DAB1: variants seen among roughly 807,000 people sequenced by gnomAD.
DAB1 encodes disabled homolog 1.
A neutral mutation model predicts 64.6 loss-of-function variants in DAB1; 15 were observed. The observed-to-expected ratio is 0.23, with a 90% confidence interval of 0.16 to 0.36. The LOEUF (loss-of-function observed/expected upper bound fraction) is 0.36, where lower values mean the gene tolerates loss of function less well. DAB1 is among the 10% of genes least tolerant of loss of function. DAB1 has a pLI of 1.00. For missense variants in DAB1, 596 were observed against 706.7 expected (o/e 0.84, Z 1.78); for synonymous variants, 235 against 251.9 (o/e 0.93, Z 0.64).
At chr1:57,637,119 GGATAA>G (rs1444716615) in intron 7 of DAB1, among the ~76,000 whole-genome samples, 1 of 151,886 alleles carries the variant, frequency 6.6e-6, no homozygotes, top group Non-Finnish European at 1.5e-5. Context: ...TTTAAAAATG[GGATAA>G]GATGAGATAC....
At chr1:58,471,733 T>C (rs1381044368) in intron 3 of DAB1, among the ~76,000 whole-genome samples, 1 of 152,108 alleles carries the variant, frequency 6.6e-6, no homozygotes, top group African/African-American at 2.4e-5. Context: ...TCTGGTTGTT[T>C]TAAAAGTGTG....
At chr1:58,228,031 A>G (rs1659580978) in intron 4 of DAB1, among the ~76,000 whole-genome samples, 1 of 152,224 alleles carries the variant, frequency 6.6e-6, no homozygotes, top group South Asian at 2.1e-4. Context: ...GGGTAAGCCC[A>G]TAGCCTAACT....
intron 3 of DAB1, among the ~76,000 whole-genome samples, chr1:58,438,969 A>G (rs982866971): frequency 3.3e-5 from 5 of 152,036 alleles, no homozygotes; most frequent in Admixed American, 3.3e-4. Context: ...AGGCAGTGTG[A>G]CGTAGGGAGG....
At chr1:58,213,804 C>T (rs1368437269) in intron 4 of DAB1, among the ~76,000 whole-genome samples, 2 of 152,150 alleles carry the variant, frequency 1.3e-5, no homozygotes, top group African/African-American at 4.8e-5. Context: ...AGTACCTGTA[C>T]TCCTCATTCA....
chr1:57,294,747 C>T (rs1014436148), intron 1 of DAB1, among the ~76,000 whole-genome samples: 3 of 152,158 alleles, frequency 2.0e-5, no homozygotes, highest in East Asian at 1.9e-4. Flanking sequence ...AGCTTAGGCG[C>T]TTGTCCAAAG....
chr1:58,144,617 C>T (rs1036446419), intron 5 of DAB1, among the ~76,000 whole-genome samples: 1 of 152,192 alleles, frequency 6.6e-6, no homozygotes, highest in African/African-American at 2.4e-5. Context: ...TGCACTAGGT[C>T]GCAAAGTTGG....
chr1:57,061,867 A>C (rs564331609), intron 9 of DAB1, among the ~76,000 whole-genome samples: 1 of 152,262 alleles, frequency 6.6e-6, no homozygotes, highest in South Asian at 2.1e-4. Flanking sequence ...TTAGCCTCAC[A>C]ACAGCTGTCA....
At chr1:57,206,966 TC>T (rs1252514223) in intron 2 of DAB1, among the ~76,000 whole-genome samples, 1 of 128,992 alleles carries the variant, frequency 7.8e-6, no homozygotes, top group African/African-American at 3.0e-5. Context: ...TTTCCTTCCT[TC>T]CTTTTTTTTT....
intron 1 of DAB1, among the ~76,000 whole-genome samples, chr1:57,325,525 G>A (rs1164605644): frequency 6.6e-6 from 1 of 152,190 alleles, no homozygotes; most frequent in Non-Finnish European, 1.5e-5. Flanking sequence ...TACAGAGCAG[G>A]TGCTATTATT....
chr1:57,647,153 C>T (rs1399884422), intron 7 of DAB1, among the ~76,000 whole-genome samples: 1 of 152,136 alleles, frequency 6.6e-6, no homozygotes. Flanking sequence ...GCTACTGAAG[C>T]CTGGAAGTCC....
At chr1:58,000,827 TCC>T (rs1570203022) in intron 5 of DAB1, among the ~76,000 whole-genome samples, 1 of 151,988 alleles carries the variant, frequency 6.6e-6, no homozygotes, top group African/African-American at 2.4e-5. Context: ...CACCTTGGCC[TCC>T]CAAAGTGCTG....
chr1:57,576,746 T>G (rs1645254166), intron 7 of DAB1, among the ~76,000 whole-genome samples: 1 of 152,156 alleles, frequency 6.6e-6, no homozygotes, highest in Non-Finnish European at 1.5e-5. Flanking sequence ...CCTACAGCAA[T>G]GAAACAAACA....
chr1:58,034,338 G>A (rs1048823057), intron 5 of DAB1, among the ~76,000 whole-genome samples: 3 of 152,168 alleles, frequency 2.0e-5, no homozygotes, highest in Admixed American at 2.0e-4. Context: ...AACAAGTAAG[G>A]GATCTTGAAA....
chr1:57,929,674 T>C (rs1383906509), intron 5 of DAB1, among the ~76,000 whole-genome samples: 1 of 152,196 alleles, frequency 6.6e-6, no homozygotes, highest in Non-Finnish European at 1.5e-5. Context: ...TGTGGGCATC[T>C]CCTTGGCTTC....
intron 3 of DAB1, among the ~76,000 whole-genome samples, chr1:58,489,172 T>A (rs11207241): frequency 0.15 from 23,074 of 151,982 alleles, 1,981 homozygotes; most frequent in Admixed American, 0.26. Context: ...GTGCAACGGG[T>A]CAGGGAATTC....
At chr1:57,457,982 T>A (rs1045011430) in intron 7 of DAB1, among the ~76,000 whole-genome samples, 1 of 152,152 alleles carries the variant, frequency 6.6e-6, no homozygotes. Flanking sequence ...AAACTTGCTG[T>A]ACTTTAGGTG....
intron 7 of DAB1, among the ~76,000 whole-genome samples, chr1:57,537,684 A>G (rs1644746678): frequency 6.6e-6 from 1 of 152,194 alleles, no homozygotes; most frequent in South Asian, 2.1e-4. Flanking sequence ...CTTCTTCATT[A>G]GACTGTAAGT....
At chr1:57,808,046 G>C (rs975373253) in intron 6 of DAB1, among the ~76,000 whole-genome samples, 2 of 151,988 alleles carry the variant, frequency 1.3e-5, no homozygotes, top group African/African-American at 4.8e-5. Context: ...AAGTTTTGGG[G>C]GAGTCAAAAG....
chr1:57,973,150 T>C (rs1645838669), intron 5 of DAB1, among the ~76,000 whole-genome samples: 1 of 152,046 alleles, frequency 6.6e-6, no homozygotes, highest in Non-Finnish European at 1.5e-5. Context: ...ATTTGACACA[T>C]AGATATTTAC....
Sources: gnomAD v4.1 joint callset for allele counts (sites outside exome capture counted in the v4.1 genomes callset) on GRCh38, gnomAD v4.1.1 for gene constraint, MANE v1.5 for transcripts, NCBI Gene and HGNC (gene_info 2026-07-23, HGNC 2026-07-21) for gene names.